The following NMNAT1 variants were observed in gnomAD, a reference collection of about 807,000 sequenced individuals.
NMNAT1 encodes the protein nicotinamide nucleotide adenylyltransferase 1.
Under a neutral mutation model 16.7 loss-of-function variants are expected in NMNAT1, and 11 were observed. That is an observed-to-expected ratio of 0.66 (90% CI 0.41 to 1.09). The LOEUF (loss-of-function observed/expected upper bound fraction) is 1.09. Ranked by LOEUF, NMNAT1 falls within the 50% of genes least tolerant of loss-of-function variation. The pLI is 0.00. For synonymous variants in NMNAT1, 110 were observed against 119.8 expected, an observed-to-expected ratio of 0.92 and a Z score of 0.53; for missense variants, 280 against 332.3, an observed-to-expected ratio of 0.84 and a Z score of 1.22.
chr1:9,976,415 T>C (rs1641815244), intron 3 of NMNAT1, among the ~76,000 whole-genome samples: 1 of 152,172 alleles, frequency 6.6e-6, no homozygotes, highest in Non-Finnish European at 1.5e-5. Context: ...AAGATGTTAT[T>C]ATCATCAGTC....
Position 9,982,697 on chromosome 1 carries a change from CAT to C in NMNAT1, c.838_839del (p.Ter280GlyfsTer21), listed in dbSNP as rs1641975820. 2 of 1,598,498 alleles carry C rather than the reference CAT, an allele frequency of 1.3e-6. No homozygotes were observed. Among genetic ancestry groups the C allele is most frequent in the Non-Finnish European group, 1.7e-6 (2 of 1,172,226 alleles). On this transcript the variant is annotated frameshift_variant and stop_lost, in exon 5 of 5. Coordinates refer to ENST00000377205, the MANE Select transcript of NMNAT1 (RefSeq NM_022787.4). LOFTEE classifies it high-confidence loss of function. ...CAGAGAAACACTGCAGAAGCTAAGA[CAT>C]AGGAATTCTACAGCATGATATTTCA... is the stretch of plus-strand genomic sequence containing the variant.
intron 1 of NMNAT1, among the ~76,000 whole-genome samples, chr1:9,968,939 CAAA>C (rs749269968): frequency 7.3e-5 from 5 of 68,350 alleles, no homozygotes; most frequent in African/African-American, 1.1e-4. Context: ...GACTCTGTCT[CAAA>C]AAAAAAAAAA....
At chr1:9,972,403 G>T in intron 2 of NMNAT1, 1 of 340,388 alleles carries the variant, frequency 2.9e-6, no homozygotes. Flanking sequence ...GGCTGAGGCA[G>T]TAGAATCGCT....
At chr1:9,954,517 CTT>C (rs1186198774) in intron 1 of NMNAT1, among the ~76,000 whole-genome samples, 1 of 152,156 alleles carries the variant, frequency 6.6e-6, no homozygotes, top group East Asian at 1.9e-4. Flanking sequence ...CCCTGTATCA[CTT>C]TTTGACTTCA....
intron 1 of NMNAT1, among the ~76,000 whole-genome samples, chr1:9,956,171 T>TC (rs200784362): frequency 1.5e-5 from 2 of 136,388 alleles, no homozygotes; most frequent in African/African-American, 5.7e-5. Context: ...GTTTCTTTTC[T>TC]TTTTTTTTTT....
At position 9,981,134 on chromosome 1, in the gene NMNAT1, T is replaced by A; in HGVS notation, c.403T>A (p.Ser135Thr). Residue 135 changes from serine (S) to threonine (T), a missense_variant, in exon 4 of 5, where the codon TCT (serine) becomes ACT (threonine). Physicochemically the swap from Ser to Thr is moderately conservative, Grantham distance 58. Transcript: ENST00000377205. The stretch of plus-strand genomic sequence containing the variant: ...GAGGAAGTGGACTGAAACACAAGAT[T>A]CTAGTCAAAAGAAATCCCTAGAGCC... ...RKRKWTETQD[S>T]SQKKSLEPKT... 4.3e-6 allele frequency: 7 copies of A among 1,613,518 alleles called. No individual in the cohort carries two copies. Among genetic ancestry groups the A allele is most frequent in the Non-Finnish European group, 5.9e-6 (7 of 1,179,824 alleles).
chr1:9,945,872 G>A (rs1465955002), intron 1 of NMNAT1, among the ~76,000 whole-genome samples: 1 of 152,144 alleles, frequency 6.6e-6, no homozygotes, highest in Non-Finnish European at 1.5e-5. Flanking sequence ...TTGCACCTCA[G>A]CCTCCCTAGT....
intron 1 of NMNAT1, among the ~76,000 whole-genome samples, chr1:9,971,200 C>A (rs1641679925): frequency 6.6e-6 from 1 of 152,086 alleles, no homozygotes; most frequent in South Asian, 2.1e-4. Flanking sequence ...CAAAGCAAGT[C>A]AAAAAATGTG....
rs1641953686 is a variant in NMNAT1, at chr1:9,981,762, G to A, written c.440-539G>A. ...TGAAGGAGAATAAAAGGCACTTGGA[G>A]CTTATTTCTCCTGCAGTGGTCTCTA... On this transcript the variant is annotated intron_variant, in intron 4 of 4. Transcript: ENST00000377205. 4 of 153,800 alleles carry A rather than the reference G, an allele frequency of 2.6e-5. No homozygotes were observed. The South Asian group carries it at 8.2e-4, about 31-fold the overall frequency. The allele number at this position is 153,800 out of a possible 1,614,324, so 9.5% of individuals were successfully genotyped here. A position where few individuals can be genotyped will look rare whatever the true frequency, so the allele number is the denominator to read the frequency against.
At chr1:9,962,084 A>T (rs1233144364) in intron 1 of NMNAT1, among the ~76,000 whole-genome samples, 2 of 151,912 alleles carry the variant, frequency 1.3e-5, no homozygotes, top group East Asian at 1.9e-4. Flanking sequence ...TATCTTTCTT[A>T]CTTCCATTTC....
At chr1:9,950,547 A>T (rs1641083529) in intron 1 of NMNAT1, 1 of 152,296 alleles carries the variant, frequency 6.6e-6, no homozygotes, top group African/African-American at 2.4e-5. Context: ...AGTATCTCAG[A>T]CAGGAAAAAC....
chr1:9,993,172 ATTTCCT>A, the NMNAT1 span, among the ~76,000 whole-genome samples: 1 of 151,806 alleles, frequency 6.6e-6, no homozygotes, highest in Non-Finnish European at 1.5e-5. Flanking sequence ...GAGAGTGCAA[ATTTCCT>A]TTTAAGAAAA....
In NMNAT1 at chr1:9,973,998, C is replaced by T. The variant is rs112684487; in HGVS notation, c.116-1594C>T. Among the ~76,000 whole-genome samples, 740 of 151,914 alleles carry T rather than the reference C, an allele frequency of 4.9e-3. 10 individuals carry two copies. Among genetic ancestry groups the T allele is most frequent in the African/African-American group, 0.017 (695 of 41,464 alleles). On this transcript the variant is annotated intron_variant, in intron 2 of 4. Transcript: ENST00000377205. ...GATTACAGGCACACAGCACCATGCCCGGCCCATTTTTGTATTTTTAGTAGA... is the reference window on the plus strand; with the variant it reads ...GATTACAGGCACACAGCACCATGCCTGGCCCATTTTTGTATTTTTAGTAGA...
intron 1 of NMNAT1, chr1:9,949,601 T>TAC (rs1641061243): frequency 6.6e-6 from 1 of 151,288 alleles, no homozygotes; most frequent in Non-Finnish European, 1.5e-5. Flanking sequence ...TATATATATA[T>TAC]GTATGTGTAT....
In NMNAT1 at chr1:9,978,689, C is replaced by T. The variant is rs574072734; in HGVS notation, c.300-2342C>T. On this transcript the variant is annotated intron_variant, in intron 3 of 4. Coordinates refer to ENST00000377205, the MANE Select transcript of NMNAT1 (RefSeq NM_022787.4). Reference sequence around the variant, plus strand: ...CTCTGGCTTTATAGTAACCTTATTGCCCATTAAATAGTCAACTCAGCTGCT... The same window carrying T: ...CTCTGGCTTTATAGTAACCTTATTGTCCATTAAATAGTCAACTCAGCTGCT... 5.3e-5 allele frequency among the ~76,000 whole-genome samples: 8 copies of T among 152,276 alleles called. No homozygotes were observed. The South Asian group carries it at 1.7e-3, about 32-fold the overall frequency.
chr1:9,968,418 C>A (rs1641608914), intron 1 of NMNAT1, among the ~76,000 whole-genome samples: 1 of 150,876 alleles, frequency 6.6e-6, no homozygotes, highest in Non-Finnish European at 1.5e-5. Context: ...TTCATTTAAT[C>A]CTCACAACAA....
upstream of NMNAT1, chr1:9,943,358 C>A (rs1336687816): frequency 3.9e-5 from 6 of 152,856 alleles, no homozygotes; most frequent in African/African-American, 1.2e-4. Context: ...CCTGAGGGCA[C>A]TGGCCTGGCG....
chr1:9,968,663 C>T (rs541826436), intron 1 of NMNAT1, among the ~76,000 whole-genome samples: 16 of 148,202 alleles, frequency 1.1e-4, no homozygotes, highest in Middle Eastern at 3.5e-3. Context: ...CCCAGCTACT[C>T]GGGAGGCTGA....
downstream of NMNAT1, among the ~76,000 whole-genome samples, chr1:9,990,388 T>G (rs2101723698): frequency 6.6e-6 from 1 of 152,262 alleles, no homozygotes; most frequent in South Asian, 2.1e-4. Context: ...CAGGAGTGAC[T>G]CCTCATGGCT....
Sources: gnomAD v4.1 joint callset for allele counts (sites outside exome capture counted in the v4.1 genomes callset) on GRCh38, gnomAD v4.1.1 for gene constraint, MANE v1.5 for transcripts, NCBI Gene and HGNC (gene_info 2026-07-23, HGNC 2026-07-21) for gene names.